Variants in ADAM12 observed in about 807,000 individuals in gnomAD.
ADAM12 encodes the protein ADAM metallopeptidase domain 12.
Under a neutral mutation model 106.4 loss-of-function variants are expected in ADAM12, and 70 were observed. The ratio of observed to expected loss-of-function variants is 0.66; its 90% CI spans 0.54 to 0.80. The LOEUF (loss-of-function observed/expected upper bound fraction) is 0.80, where lower values mean the gene tolerates loss of function less well. ADAM12 is among the 30% of genes least tolerant of loss of function. The pLI is 0.00. For missense variants in ADAM12, 1,010 were observed against 1,171.9 expected (o/e 0.86, Z 2.02); for synonymous variants, 420 against 433.5 (o/e 0.97, Z 0.39).
chr10:126,237,181 C>G (rs1590662129), intron 3 of ADAM12, among the ~76,000 whole-genome samples: 1 of 152,130 alleles, frequency 6.6e-6, no homozygotes, highest in Non-Finnish European at 1.5e-5. Context: ...GCTGTGTTCC[C>G]TTTTCTGGAC....
In ADAM12 at chr10:126,320,295, C is replaced by A. The variant is rs7084896; in HGVS notation, c.186+10117G>T. On this transcript the variant is annotated intron_variant, in intron 2 of 22. Coordinates refer to ENST00000448723, the MANE Select transcript of ADAM12 (RefSeq NM_001288973.2). The stretch of plus-strand genomic sequence containing the variant: ...CAAGACACAAGAGCATGAGGAGTGT[C>A]TTAAATATATCCAAAAGGAAATTCT... Among the ~76,000 whole-genome samples, 5 of 152,028 alleles carry A rather than the reference C, an allele frequency of 3.3e-5. No individual in the cohort carries two copies. The East Asian group carries it at 9.6e-4, about 29-fold the overall frequency.
chr10:126,278,794 T>C, intron 3 of ADAM12, 121 bp downstream of exon 3: 2 of 665,296 alleles, frequency 3.0e-6, no homozygotes, highest in Non-Finnish European at 4.8e-6. Flanking sequence ...AATCCAAATT[T>C]GGATTACAAA....
chr10:126,185,524 C>A (rs548355824), intron 3 of ADAM12, among the ~76,000 whole-genome samples: 1 of 151,780 alleles, frequency 6.6e-6, no homozygotes, highest in Non-Finnish European at 1.5e-5. Flanking sequence ...TTAGAAAGTA[C>A]ATAATGGGGC....
intron 14 of ADAM12, among the ~76,000 whole-genome samples, chr10:126,063,073 C>G (rs1468675848): frequency 1.3e-5 from 2 of 152,214 alleles, no homozygotes; most frequent in East Asian, 3.9e-4. Flanking sequence ...CTGCTTTGCC[C>G]AGGGTGCCCC....
chr10:126,297,628 G>A (rs961898907), intron 2 of ADAM12, among the ~76,000 whole-genome samples: 1 of 152,208 alleles, frequency 6.6e-6, no homozygotes, highest in African/African-American at 2.4e-5. Flanking sequence ...GTACACAAAT[G>A]GAGGGGTTTT....
chr10:126,123,615 C>G (rs1956150873), intron 5 of ADAM12, among the ~76,000 whole-genome samples: 1 of 152,174 alleles, frequency 6.6e-6, no homozygotes, highest in Non-Finnish European at 1.5e-5. Context: ...GTACACTGAT[C>G]ACTCTGCTGA....
Position 126,118,104 on chromosome 10 carries a change from A to C in ADAM12, c.537T>G (p.His179Gln), listed in dbSNP as rs1160288075. 2.5e-6 allele frequency: 4 copies of C among 1,614,128 alleles called. No individual in the cohort carries two copies. The highest frequency in any genetic ancestry group is 3.4e-6 in the Non-Finnish European group (4 of 1,180,008). Residue 179 changes from histidine (H) to glutamine (Q), a missense_variant, in exon 6 of 23, where the codon CAT (histidine) becomes CAG (glutamine). This residue lies in a region of ADAM12 where 391 missense variants were observed against 442.9 expected (regional missense o/e 0.88). Coordinates refer to ENST00000448723, the MANE Select transcript of ADAM12 (RefSeq NM_001288973.2). ...LKSVRGSCGS[H>Q]HNTPNLAAKN... ...TTGCAGCGAGGTTTGGTGTGTTGTG[A>C]TGTGATCCACATGATCCCCGGACGC...
At chr10:126,369,271 A>G (rs1204625919) in intron 1 of ADAM12, among the ~76,000 whole-genome samples, 1 of 152,202 alleles carries the variant, frequency 6.6e-6, no homozygotes, top group Non-Finnish European at 1.5e-5. Context: ...CATCATGCCA[A>G]TATTTATTGA....
At chr10:126,253,628 C>G (rs1958828788) in intron 3 of ADAM12, among the ~76,000 whole-genome samples, 2 of 152,172 alleles carry the variant, frequency 1.3e-5, no homozygotes, top group South Asian at 2.1e-4. Flanking sequence ...ACCCACCCCC[C>G]AGAGAAAACC....
intron 2 of ADAM12, among the ~76,000 whole-genome samples, chr10:126,304,074 C>A (rs1485578275): frequency 6.6e-6 from 1 of 152,094 alleles, no homozygotes; most frequent in Non-Finnish European, 1.5e-5. Flanking sequence ...TATGCATCAT[C>A]CTTGGGAGAA....
At chr10:126,184,489 T>C (rs976700694) in intron 3 of ADAM12, among the ~76,000 whole-genome samples, 1 of 152,214 alleles carries the variant, frequency 6.6e-6, no homozygotes, top group African/African-American at 2.4e-5. Context: ...GTCTTCCAAA[T>C]ATAATTTATT....
At chr10:126,268,299 T>A (rs1017018505) in intron 3 of ADAM12, among the ~76,000 whole-genome samples, 1 of 152,368 alleles carries the variant, frequency 6.6e-6, no homozygotes, top group South Asian at 2.1e-4. Context: ...ATGGCATGTG[T>A]CAGAATGTCA....
intron 3 of ADAM12, among the ~76,000 whole-genome samples, chr10:126,180,186 T>C (rs906887423): frequency 6.6e-6 from 1 of 152,192 alleles, no homozygotes; most frequent in Non-Finnish European, 1.5e-5. Flanking sequence ...TATCCAAATT[T>C]ATACATGAAG....
intron 20 of ADAM12, among the ~76,000 whole-genome samples, chr10:126,038,008 T>C (rs1256828473): frequency 6.6e-6 from 1 of 151,902 alleles, no homozygotes; most frequent in Admixed American, 6.5e-5. Context: ...CACCATATCA[T>C]GCAGGGGGCA....
At chr10:126,025,099 A>G (rs1227357940) in intron 21 of ADAM12, among the ~76,000 whole-genome samples, 7 of 152,184 alleles carry the variant, frequency 4.6e-5, no homozygotes, top group African/African-American at 1.7e-4. Flanking sequence ...GAAAGAATCA[A>G]CACAAAAACA....
At chr10:126,216,615 T>C (rs1427008741) in intron 3 of ADAM12, among the ~76,000 whole-genome samples, 1 of 152,240 alleles carries the variant, frequency 6.6e-6, no homozygotes, top group Admixed American at 6.5e-5. Context: ...CTGACCGTCA[T>C]GTGAAACGCA....
At chr10:126,073,351 G>A (rs959701920) in intron 11 of ADAM12, among the ~76,000 whole-genome samples, 1 of 152,032 alleles carries the variant, frequency 6.6e-6, no homozygotes, top group Non-Finnish European at 1.5e-5. Context: ...GCCTCCCAAA[G>A]TGCTGGGATT....
intron 3 of ADAM12, among the ~76,000 whole-genome samples, chr10:126,157,340 C>T (rs983220393): frequency 4.6e-5 from 7 of 152,192 alleles, no homozygotes; most frequent in East Asian, 1.9e-4. Flanking sequence ...CTTCTGCCTA[C>T]GCTGGCTGGA....
intron 2 of ADAM12, among the ~76,000 whole-genome samples, chr10:126,316,683 C>T (rs1331803181): frequency 6.6e-6 from 1 of 151,456 alleles, no homozygotes; most frequent in East Asian, 1.9e-4. Context: ...ATGGCAAAAA[C>T]CTATCTCCAC....
Sources: allele counts gnomAD v4.1 joint callset (sites outside exome capture counted in the v4.1 genomes callset), GRCh38; gene constraint gnomAD v4.1.1; regional missense constraint gnomAD v4.1.1; transcripts MANE v1.5; gene names NCBI Gene and HGNC (gene_info 2026-07-23, HGNC 2026-07-21).